The following AGAP1 variants were observed in gnomAD, a reference collection of about 807,000 sequenced individuals.
AGAP1 encodes the protein arf-GAP with GTPase, ANK repeat and PH domain-containing protein 1.
AGAP1 carries 29 observed loss-of-function variants against 105.3 expected under a neutral mutation model. That is an observed-to-expected ratio of 0.28 (90% CI 0.21 to 0.38). The LOEUF (loss-of-function observed/expected upper bound fraction) is 0.38, where lower values mean the gene tolerates loss of function less well. Among genes scored for constraint, AGAP1 ranks in the 10% least tolerant of loss-of-function variants. AGAP1 has a pLI of 1.00. For missense variants in AGAP1, 998 were observed against 1,165.1 expected (o/e 0.86, Z 2.09); for synonymous variants, 509 against 485.9 (o/e 1.05, Z -0.63).
Position 235,737,060 on chromosome 2 carries a change from AGACTTCTCAAG to A in AGAP1, c.311-3901_311-3891del, listed in dbSNP as rs748514776. 5.1e-4 allele frequency among the ~76,000 whole-genome samples: 77 copies of A among 152,328 alleles called. No individual in the cohort carries two copies. Among genetic ancestry groups the A allele is most frequent in the Middle Eastern group, 6.8e-3 (2 of 294 alleles). On this transcript the variant is annotated intron_variant, in intron 3 of 17. Transcript: ENST00000304032. This position sits in a 1 kb window ranked among gnomAD's most constrained non-coding sequence, Gnocchi z 4.5. ...TAAAGTGTTACCTACCTGCCAGCCC[AGACTTCTCAAG>A]GCCCAGTGGTCCTATTGAGCTGAAC... is the stretch of plus-strand genomic sequence containing the variant.
intron 13 of AGAP1, among the ~76,000 whole-genome samples, chr2:236,030,533 G>A (rs1244175197): frequency 6.6e-6 from 1 of 152,206 alleles, no homozygotes; most frequent in Non-Finnish European, 1.5e-5. Flanking sequence ...TCCTATCTTA[G>A]GACCTTATCT....
chr2:235,818,394 C>T (rs1958583473), intron 9 of AGAP1, among the ~76,000 whole-genome samples: 1 of 152,190 alleles, frequency 6.6e-6, no homozygotes, highest in Non-Finnish European at 1.5e-5. Context: ...TATGCTGTTG[C>T]ATCCCCTTCC....
chr2:235,940,479 G>C (rs1162632390), intron 12 of AGAP1, among the ~76,000 whole-genome samples: 2 of 152,148 alleles, frequency 1.3e-5, no homozygotes, highest in Admixed American at 1.3e-4. Flanking sequence ...CCTCTCCATG[G>C]CTCCAGCCGG....
At chr2:235,545,769 A>T (rs1943603672) in intron 1 of AGAP1, among the ~76,000 whole-genome samples, 1 of 152,158 alleles carries the variant, frequency 6.6e-6, no homozygotes, top group Non-Finnish European at 1.5e-5. Flanking sequence ...ATGTTGCTTT[A>T]TGCTGGACAG....
At chr2:235,770,133 CT>C (rs57008190) in intron 6 of AGAP1, among the ~76,000 whole-genome samples, 107 of 136,524 alleles carry the variant, frequency 7.8e-4, no homozygotes, top group Non-Finnish European at 7.8e-4. Flanking sequence ...TTCTTTGTTT[CT>C]TTTTTTTTTT....
rs915296179 is a variant in AGAP1, at chr2:235,887,050, C to G, written c.1155+3601C>G. 2.6e-5 allele frequency among the ~76,000 whole-genome samples: 4 copies of G among 152,150 alleles called. No individual in the cohort carries two copies. Among genetic ancestry groups the G allele is most frequent in the African/African-American group, 9.7e-5 (4 of 41,444 alleles). On this transcript the variant is annotated intron_variant, in intron 10 of 17. Coordinates refer to ENST00000304032, the MANE Select transcript of AGAP1 (RefSeq NM_001037131.3). The surrounding 1 kb of genome is among the most constrained non-coding windows in gnomAD (Gnocchi z 4.1). ...AACTTGAGAATGTGCAAATGTGTTG[C>G]TAGTTCAGGTCCCAAAATTTTACAC...
In AGAP1 at chr2:235,737,696, C is replaced by T. The variant is rs10207712; in HGVS notation, c.311-3267C>T. ...CAACAGGGAGGGTCATCTGCCAGGG[C>T]GTCACGGTCATTCCACGAGAGCTGG... On this transcript the variant is annotated intron_variant, in intron 3 of 17. Coordinates refer to ENST00000304032, the MANE Select transcript of AGAP1 (RefSeq NM_001037131.3). The surrounding 1 kb of genome is among the most constrained non-coding windows in gnomAD (Gnocchi z 4.5). 0.013 allele frequency among the ~76,000 whole-genome samples: 2,016 copies of T among 152,190 alleles called. 46 individuals carry two copies. Among genetic ancestry groups the T allele is most frequent in the African/African-American group, 0.046 (1,922 of 41,504 alleles).
At chr2:236,034,871 C>A (rs572211591) in intron 13 of AGAP1, among the ~76,000 whole-genome samples, 1 of 152,318 alleles carries the variant, frequency 6.6e-6, no homozygotes, top group East Asian at 1.9e-4. Context: ...GCCATGGGCC[C>A]TCTCTGGCTG....
rs149610789 is a variant in AGAP1 at position 235,951,151 on chromosome 2, A to G, written c.1484-17311A>G. Among the ~76,000 whole-genome samples, 573 of 152,316 alleles carry G rather than the reference A, an allele frequency of 3.8e-3. 1 individual carries two copies. The highest frequency in any genetic ancestry group is 0.013 in the African/African-American group (543 of 41,566). ...CTTATTTTGTGGAAAATACGAAATA[A>G]AGAAGACACATTTGGCCACTGTGAT... On this transcript the variant is annotated intron_variant, in intron 12 of 17. Coordinates refer to ENST00000304032, the MANE Select transcript of AGAP1 (RefSeq NM_001037131.3). The surrounding 1 kb of genome is among the most constrained non-coding windows in gnomAD (Gnocchi z 4.2).
chr2:235,907,851 C>T (rs540031712), intron 10 of AGAP1, among the ~76,000 whole-genome samples: 8 of 152,122 alleles, frequency 5.3e-5, no homozygotes, highest in Admixed American at 2.0e-4. Context: ...TATATTGTTA[C>T]AGAGGGCTGA....
chr2:235,796,121 G>C (rs1344725497), intron 6 of AGAP1, among the ~76,000 whole-genome samples: 2 of 152,150 alleles, frequency 1.3e-5, no homozygotes, highest in Non-Finnish European at 2.9e-5. Flanking sequence ...CTGAAGCTGG[G>C]AGTAAAATCA....
intron 16 of AGAP1, among the ~76,000 whole-genome samples, chr2:236,097,695 C>T (rs531039516): frequency 6.6e-6 from 1 of 152,178 alleles, no homozygotes; most frequent in African/African-American, 2.4e-5. Flanking sequence ...GACATCTTAG[C>T]CAATTTTAAG....
intron 1 of AGAP1, among the ~76,000 whole-genome samples, chr2:235,706,920 T>G (rs1950564139): frequency 6.6e-6 from 1 of 152,180 alleles, no homozygotes; most frequent in Non-Finnish European, 1.5e-5. Context: ...TTTTCCAAAT[T>G]AATTGGTAAT....
chr2:235,882,126 T>C lies in AGAP1; in HGVS notation c.1051-1219T>C, dbSNP rs113562052. Among the ~76,000 whole-genome samples the C allele has an allele frequency of 6.6e-6, 1 of 152,056 alleles. No individual in the cohort carries two copies. The highest frequency in any genetic ancestry group is 1.5e-5 in the Non-Finnish European group (1 of 68,034). On this transcript the variant is annotated intron_variant, in intron 9 of 17. Transcript: ENST00000304032. This position sits in a 1 kb window ranked among gnomAD's most constrained non-coding sequence, Gnocchi z 4.6. ...GTTTTTGTTCTTTTTGGCTACAAGG[T>C]GTGTTTTATTTTCATTATTCATAGA...
intron 1 of AGAP1, among the ~76,000 whole-genome samples, chr2:235,495,820 T>C (rs1941293228): frequency 6.6e-6 from 1 of 152,260 alleles, no homozygotes; most frequent in Non-Finnish European, 1.5e-5. Flanking sequence ...AGTCATATCT[T>C]AGCCACAGTT....
chr2:236,111,619 C>T (rs1055519753), intron 16 of AGAP1, among the ~76,000 whole-genome samples: 9 of 151,818 alleles, frequency 5.9e-5, no homozygotes, highest in African/African-American at 1.7e-4. Flanking sequence ...GGTGCAACCC[C>T]GTCTCTACAA....
rs939123466 is a variant in AGAP1 at position 235,549,645 on chromosome 2, T to A, written c.163+54796T>A. On this transcript the variant is annotated intron_variant, in intron 1 of 17. Transcript: ENST00000304032. The surrounding 1 kb of genome is among the most constrained non-coding windows in gnomAD (Gnocchi z 4.2). The stretch of plus-strand genomic sequence containing the variant: ...AACTCCTTGGCACCATCTAATTTTT[T>A]AAAAATGAGCCTAATACTGTTCACG... 6.6e-6 allele frequency among the ~76,000 whole-genome samples: 1 copy of A among 152,214 alleles called. No homozygotes were observed. The highest frequency in any genetic ancestry group is 6.5e-5 in the Admixed American group (1 of 15,278).
chr2:235,905,638 T>TACA lies in AGAP1; in HGVS notation c.1156-3098_1156-3096dup, dbSNP rs1245979985. On this transcript the variant is annotated intron_variant, in intron 10 of 17. Transcript: ENST00000304032. The surrounding 1 kb of genome is among the most constrained non-coding windows in gnomAD (Gnocchi z 4.2). ...CCTTAGCCTCCCAAGTAGCTGGGAT[T>TACA]ACAAGCACACGCCACCACACCTGGC... Among the ~76,000 whole-genome samples the TACA allele has an allele frequency of 2.0e-5, 3 of 152,172 alleles. No homozygotes were observed. Among genetic ancestry groups the TACA allele is most frequent in the African/African-American group, 7.2e-5 (3 of 41,454 alleles).
At chr2:235,726,131 G>A (rs554966158) in intron 3 of AGAP1, among the ~76,000 whole-genome samples, 1 of 152,292 alleles carries the variant, frequency 6.6e-6, no homozygotes, top group Non-Finnish European at 1.5e-5. Flanking sequence ...CTGCATTGGA[G>A]CCTGTGTTCC....
Sources: gnomAD v4.1 joint callset for allele counts (sites outside exome capture counted in the v4.1 genomes callset) on GRCh38, gnomAD v4.1.1 for gene constraint, Gnocchi (gnomAD v3.1) non-coding constraint, MANE v1.5 for transcripts, NCBI Gene and HGNC (gene_info 2026-07-23, HGNC 2026-07-21) for gene names.